The following DCC variants were observed in gnomAD, a reference collection of about 807,000 sequenced individuals.
The protein encoded by DCC is DCC netrin 1 receptor.
DCC carries 58 observed loss-of-function variants against 172.5 expected under a neutral mutation model. The ratio of observed to expected loss-of-function variants is 0.34; its 90% CI spans 0.27 to 0.42. The LOEUF is 0.42. Among genes scored for constraint, DCC ranks in the 10% least tolerant of loss-of-function variants. The probability of loss-of-function intolerance (pLI) is 1.00; values close to 1 mark genes in which losing one functional copy is unlikely to be tolerated. For synonymous variants in DCC, 709 were observed against 644.5 expected (o/e 1.10, Z -1.52); for missense variants, 1,740 against 1,791.0 (o/e 0.97, Z 0.51).
chr18:53,486,385 C>T (rs561169142), intron 25 of DCC, among the ~76,000 whole-genome samples: 2 of 152,084 alleles, frequency 1.3e-5, no homozygotes, highest in African/African-American at 2.4e-5. Flanking sequence ...ATGGAAAATT[C>T]CCAACATTTT....
At chr18:53,309,816 CATCTTGATTTCATGAGTTAT>C (rs1225890159) in intron 13 of DCC, among the ~76,000 whole-genome samples, 2 of 151,694 alleles carry the variant, frequency 1.3e-5, no homozygotes, top group African/African-American at 4.8e-5. Flanking sequence ...CATATTGTTA[CATCTTGATTTCATGAGTTAT>C]AATAAAGCAT....
intron 7 of DCC, among the ~76,000 whole-genome samples, chr18:53,067,119 G>C (rs1463424876): frequency 6.6e-6 from 1 of 152,244 alleles, no homozygotes; most frequent in Non-Finnish European, 1.5e-5. Flanking sequence ...CACAGATTCA[G>C]ACCATATCAA....
At chr18:52,951,890 GA>G (rs2040653992) in intron 5 of DCC, among the ~76,000 whole-genome samples, 1 of 152,174 alleles carries the variant, frequency 6.6e-6, no homozygotes, top group Non-Finnish European at 1.5e-5. Context: ...ATGATAAGGA[GA>G]ATATAGGCAA....
chr18:53,315,364 G>T (rs1267993609), intron 13 of DCC, among the ~76,000 whole-genome samples: 1 of 152,124 alleles, frequency 6.6e-6, no homozygotes, highest in Non-Finnish European at 1.5e-5. Flanking sequence ...GTCTATCATT[G>T]ATGGGCATTT....
intron 7 of DCC, among the ~76,000 whole-genome samples, chr18:53,090,840 C>T (rs562028878): frequency 6.8e-6 from 1 of 147,256 alleles, no homozygotes; most frequent in South Asian, 2.2e-4. Flanking sequence ...GGACGTAGGA[C>T]AATTTGGGGG....
chr18:52,898,126 T>G (rs772533119), intron 2 of DCC, among the ~76,000 whole-genome samples: 2 of 152,240 alleles, frequency 1.3e-5, no homozygotes, highest in Non-Finnish European at 2.9e-5. Flanking sequence ...ACAGCCGCTC[T>G]CCTCTGGCAG....
intron 7 of DCC, among the ~76,000 whole-genome samples, chr18:53,087,169 A>T (rs2042925570): frequency 6.6e-6 from 1 of 152,174 alleles, no homozygotes; most frequent in Admixed American, 6.5e-5. Context: ...TCCATGAAGA[A>T]TCGCCACACT....
In DCC at chr18:53,391,669, G is replaced by C; in HGVS notation, c.2470G>C (p.Val824Leu). 6.2e-7 allele frequency: 1 copy of C among 1,613,636 alleles called. No individual in the cohort carries two copies. Among genetic ancestry groups the C allele is most frequent in the Non-Finnish European group, 8.5e-7 (1 of 1,179,612 alleles). Reference sequence around the variant, plus strand: ...TTTAAACCCAGATCCCACTGACCCAGTTGATTATTATCCTTTGCTTGATGA... The same window carrying C: ...TTTAAACCCAGATCCCACTGACCCACTTGATTATTATCCTTTGCTTGATGA... ...TRSITDPTDP[V>L]DYYPLLDDFP... The change falls in exon 17 of 29, where the codon GTT becomes CTT. Residue 824 changes from valine (V) to leucine (L), a missense_variant. By Grantham distance (32) the Val-to-Leu change is conservative. Coordinates refer to ENST00000442544, the MANE Select transcript of DCC (RefSeq NM_005215.4).
At chr18:52,706,231 C>T (rs73957620) in intron 1 of DCC, among the ~76,000 whole-genome samples, 6,109 of 152,224 alleles carry the variant, frequency 0.04, 425 homozygotes, top group African/African-American at 0.14. Context: ...ACTCTAGAAA[C>T]AAAGATTAGG....
chr18:52,366,167 C>T (rs898627673), intron 1 of DCC, among the ~76,000 whole-genome samples: 1 of 152,174 alleles, frequency 6.6e-6, no homozygotes, highest in African/African-American at 2.4e-5. Flanking sequence ...CTCCTATAAA[C>T]ATCTATGTTT....
At chr18:52,367,834 G>A (rs1984947814) in intron 1 of DCC, among the ~76,000 whole-genome samples, 1 of 152,236 alleles carries the variant, frequency 6.6e-6, no homozygotes, top group African/African-American at 2.4e-5. Context: ...GTCTGCAAGT[G>A]TGATGGTGTA....
At chr18:52,491,939 T>A (rs1311414365) in intron 1 of DCC, among the ~76,000 whole-genome samples, 1 of 151,874 alleles carries the variant, frequency 6.6e-6, no homozygotes, top group African/African-American at 2.4e-5. Context: ...TGGTGTGACA[T>A]AAATTGGATA....
In DCC at chr18:53,394,492, TTTCTATA is replaced by T. The variant is rs1344198455; in HGVS notation, c.2688+2607_2688+2613del. On this transcript the variant is annotated intron_variant, in intron 17 of 28. Transcript: ENST00000442544. ...AACTTTCCTGATCAAATGGAGACAT[TTTCTATA>T]TGTTTTTCTATTAAAGTATTTAATC... Among the ~76,000 whole-genome samples the T allele has an allele frequency of 6.6e-5, 10 of 152,274 alleles. No homozygotes were observed. In the East Asian group the frequency reaches 1.9e-3, roughly 29 times the overall value.
intron 15 of DCC, among the ~76,000 whole-genome samples, chr18:53,362,148 C>T (rs1265864226): frequency 6.6e-6 from 1 of 152,114 alleles, no homozygotes; most frequent in Non-Finnish European, 1.5e-5. Flanking sequence ...ACATTATTGC[C>T]ATACCATCTT....
intron 9 of DCC, among the ~76,000 whole-genome samples, chr18:53,190,083 C>T (rs1439641940): frequency 6.6e-6 from 1 of 152,060 alleles, no homozygotes. Context: ...TGCGCCACCA[C>T]GCCCGGCTAA....
At chr18:52,917,978 A>G (rs1437076199) in intron 3 of DCC, among the ~76,000 whole-genome samples, 1 of 128,386 alleles carries the variant, frequency 7.8e-6, no homozygotes, top group East Asian at 2.0e-4. Flanking sequence ...ACATTAGAAA[A>G]AAATCCATTT....
chr18:53,320,451 C>A (rs1431527794), intron 13 of DCC, among the ~76,000 whole-genome samples: 1 of 152,104 alleles, frequency 6.6e-6, no homozygotes, highest in East Asian at 1.9e-4. Flanking sequence ...GAGTAGGTAA[C>A]CATTTCTTCT....
At chr18:53,422,638 ATC>A (rs1568121275) in intron 21 of DCC, among the ~76,000 whole-genome samples, 1 of 152,170 alleles carries the variant, frequency 6.6e-6, no homozygotes, top group African/African-American at 2.4e-5. Flanking sequence ...AGCAGTTTTA[ATC>A]TCATGAATAA....
chr18:53,066,260 C>A (rs2042564994), intron 7 of DCC, 94 bp downstream of exon 7: 1 of 1,124,412 alleles, frequency 8.9e-7, no homozygotes, highest in East Asian at 2.4e-5. Context: ...CCCTCAAGGG[C>A]AATATGGCAA....
Sources: allele counts gnomAD v4.1 joint callset (sites outside exome capture counted in the v4.1 genomes callset), GRCh38; gene constraint gnomAD v4.1.1; transcripts MANE v1.5; gene names NCBI Gene and HGNC (gene_info 2026-07-23, HGNC 2026-07-21).